TOX: variants seen among roughly 807,000 people sequenced by gnomAD.
TOX encodes the protein thymocyte selection-associated high mobility group box protein TOX.
A neutral mutation model predicts 53.7 loss-of-function variants in TOX; 11 were observed. The observed-to-expected ratio is 0.20, with a 90% CI of 0.13 to 0.34. The LOEUF (loss-of-function observed/expected upper bound fraction) is 0.34, where lower values mean the gene tolerates loss of function less well. TOX is among the 10% of genes least tolerant of loss of function. The pLI is 1.00. For missense variants in TOX, 570 were observed against 664.6 expected (o/e 0.86, Z 1.56); for synonymous variants, 225 against 245.3 (o/e 0.92, Z 0.77).
intron 1 of TOX, among the ~76,000 whole-genome samples, chr8:59,051,879 A>G (rs182870362): frequency 3.3e-5 from 5 of 152,304 alleles, no homozygotes; most frequent in African/African-American, 7.2e-5. Context: ...GAAGTTTATC[A>G]GCTCTATTTA....
At chr8:59,070,546 CACAG>C (rs1269647799) in intron 1 of TOX, among the ~76,000 whole-genome samples, 7 of 145,942 alleles carry the variant, frequency 4.8e-5, no homozygotes, top group African/African-American at 1.6e-4. Context: ...CACACACACA[CACAG>C]GGAGACCTAA....
intron 3 of TOX, among the ~76,000 whole-genome samples, chr8:58,866,856 G>A (rs1811112327): frequency 6.6e-6 from 1 of 152,134 alleles, no homozygotes; most frequent in South Asian, 2.1e-4. Context: ...ATGGAAATAA[G>A]CTCAAAGTTC....
chr8:58,864,904 C>T (rs1458708858), intron 3 of TOX, among the ~76,000 whole-genome samples: 3 of 152,094 alleles, frequency 2.0e-5, no homozygotes, highest in Admixed American at 6.6e-5. Context: ...AGACATCGTT[C>T]GCTTAAAAAA....
At chr8:58,883,326 T>C (rs1811413556) in intron 3 of TOX, among the ~76,000 whole-genome samples, 1 of 152,242 alleles carries the variant, frequency 6.6e-6, no homozygotes, top group Non-Finnish European at 1.5e-5. Flanking sequence ...TAAAGGACTT[T>C]GATTGAACAA....
At chr8:59,035,140 T>C (rs1156602122) in intron 1 of TOX, among the ~76,000 whole-genome samples, 1 of 152,194 alleles carries the variant, frequency 6.6e-6, no homozygotes, top group Non-Finnish European at 1.5e-5. Flanking sequence ...AATGTTACCA[T>C]GCTCATTAGC....
intron 3 of TOX, among the ~76,000 whole-genome samples, chr8:58,893,048 A>AT (rs1811583752): frequency 6.6e-6 from 1 of 152,146 alleles, no homozygotes; most frequent in Admixed American, 6.5e-5. Flanking sequence ...GAGCAAATAA[A>AT]TTGTCTTTAT....
At chr8:58,903,825 T>C (rs1487416466) in intron 3 of TOX, among the ~76,000 whole-genome samples, 1 of 152,206 alleles carries the variant, frequency 6.6e-6, no homozygotes, top group Non-Finnish European at 1.5e-5. Flanking sequence ...AATTAATGAA[T>C]GGCCCAAAGT....
intron 1 of TOX, among the ~76,000 whole-genome samples, chr8:59,047,012 T>C (rs1434982666): frequency 3.3e-5 from 5 of 152,102 alleles, no homozygotes; most frequent in Non-Finnish European, 7.4e-5. Context: ...GTCTATTCAC[T>C]GGTAATAATG....
chr8:59,005,984 G>T (rs545602767), intron 1 of TOX, among the ~76,000 whole-genome samples: 1 of 152,328 alleles, frequency 6.6e-6, no homozygotes, highest in African/African-American at 2.4e-5. Flanking sequence ...GCCCTTGGCT[G>T]CTGTCCATGC....
chr8:59,053,751 A>G (rs1457020506), intron 1 of TOX, among the ~76,000 whole-genome samples: 1 of 152,112 alleles, frequency 6.6e-6, no homozygotes, highest in African/African-American at 2.4e-5. Flanking sequence ...GCCTTGAGAT[A>G]CTCAAATGTC....
chr8:58,842,393 C>T (rs1810660628), intron 4 of TOX, among the ~76,000 whole-genome samples: 1 of 152,172 alleles, frequency 6.6e-6, no homozygotes. Context: ...CTGCTTTCTA[C>T]CATGGGATGA....
At chr8:59,043,764 T>C (rs1250282892) in intron 1 of TOX, among the ~76,000 whole-genome samples, 1 of 152,236 alleles carries the variant, frequency 6.6e-6, no homozygotes, top group African/African-American at 2.4e-5. Flanking sequence ...AGTAGTGCTA[T>C]CATGCTTCCA....
At position 58,869,170 on chromosome 8, in the gene TOX, T is replaced by A. The variant is rs140318938; in HGVS notation, c.412-17365A>T. 5.1e-3 allele frequency among the ~76,000 whole-genome samples: 723 copies of A among 140,538 alleles called. 8 individuals carry two copies. The highest frequency in any genetic ancestry group is 0.019 in the African/African-American group (691 of 37,046). 92.2% of individuals were successfully genotyped at this position (140,538 alleles called of 152,430 possible). A position where few individuals can be genotyped will look rare whatever the true frequency, so the allele number is the denominator to read the frequency against. On this transcript the variant is annotated intron_variant, in intron 3 of 8. Transcript: ENST00000361421. ...TGAACCCGGGAGGCAGAGGTTGCAG[T>A]GAGCTGAGATTGCACCACTGCACTC...
intron 1 of TOX, among the ~76,000 whole-genome samples, chr8:59,031,134 G>A (rs1159832651): frequency 6.6e-6 from 1 of 152,186 alleles, no homozygotes; most frequent in African/African-American, 2.4e-5. Context: ...AAGACCATAG[G>A]TGTGAAAAGA....
chr8:58,952,043 G>C (rs1812630360), intron 2 of TOX, among the ~76,000 whole-genome samples: 1 of 152,154 alleles, frequency 6.6e-6, no homozygotes, highest in South Asian at 2.1e-4. Context: ...AGTCTAGCTA[G>C]GTCTGCTCCC....
intron 1 of TOX, among the ~76,000 whole-genome samples, chr8:59,013,536 G>A (rs370706002): frequency 1.3e-5 from 2 of 151,484 alleles, no homozygotes; most frequent in South Asian, 2.1e-4. Context: ...TCAGCCTCCC[G>A]AGTAGCTGGA....
At chr8:59,097,032 A>G (rs929298694) in intron 1 of TOX, among the ~76,000 whole-genome samples, 3 of 152,172 alleles carry the variant, frequency 2.0e-5, no homozygotes, top group Non-Finnish European at 4.4e-5. Context: ...CCAACTATAA[A>G]CAATGCTCTG....
chr8:58,941,561 C>T (rs1262116946), intron 2 of TOX, among the ~76,000 whole-genome samples: 3 of 152,106 alleles, frequency 2.0e-5, no homozygotes, highest in Non-Finnish European at 4.4e-5. Flanking sequence ...ATTGCCAACA[C>T]CCAACTGTTT....
At chr8:58,963,985 G>A (rs546020465) in intron 1 of TOX, among the ~76,000 whole-genome samples, 3 of 152,220 alleles carry the variant, frequency 2.0e-5, no homozygotes, top group South Asian at 2.1e-4. Context: ...TTCAGCTTTC[G>A]GAGAATGGTT....
Sources: gnomAD v4.1 joint callset for allele counts (sites outside exome capture counted in the v4.1 genomes callset) on GRCh38, gnomAD v4.1.1 for gene constraint, MANE v1.5 for transcripts, NCBI Gene and HGNC (gene_info 2026-07-23, HGNC 2026-07-21) for gene names.